The following MFHAS1 variants were observed in gnomAD, a reference collection of about 807,000 sequenced individuals.
MFHAS1 encodes malignant fibrous histiocytoma-amplified sequence 1.
Under a neutral mutation model 70.4 loss-of-function variants are expected in MFHAS1, and 50 were observed. That is an observed-to-expected ratio of 0.71 (90% CI 0.57 to 0.90). MFHAS1 has a LOEUF of 0.90. Ranked by LOEUF, MFHAS1 falls within the 40% of genes least tolerant of loss-of-function variation. The pLI is 0.00. For synonymous variants in MFHAS1, 952 were observed against 620.0 expected (o/e 1.54, Z -7.96); for missense variants, 1,795 against 1,347.6 (o/e 1.33, Z -5.20).
intron 1 of MFHAS1, among the ~76,000 whole-genome samples, chr8:8,843,371 G>A (rs886123364): frequency 1.3e-5 from 2 of 152,030 alleles, no homozygotes; most frequent in Non-Finnish European, 2.9e-5. Context: ...ATCACTTGAG[G>A]CCAGGAGTTC....
chr8:8,797,304 A>T (rs1805938546), intron 2 of MFHAS1, 61 bp downstream of exon 2: 10 of 1,583,828 alleles, frequency 6.3e-6, no homozygotes, highest in Non-Finnish European at 7.8e-6. Context: ...TTTTGTGGTC[A>T]TATCTATGGA....
At chr8:8,802,257 TG>T (rs1203059713) in intron 1 of MFHAS1, among the ~76,000 whole-genome samples, 2 of 152,196 alleles carry the variant, frequency 1.3e-5, no homozygotes, top group African/African-American at 4.8e-5. Flanking sequence ...AAGAAGTGGC[TG>T]TGCTGAACTC....
intron 1 of MFHAS1, among the ~76,000 whole-genome samples, chr8:8,808,025 T>C (rs1806395378): frequency 6.6e-6 from 1 of 152,236 alleles, no homozygotes; most frequent in African/African-American, 2.4e-5. Flanking sequence ...GTTTTAAATC[T>C]AGCACCATTC....
Position 8,824,370 on chromosome 8 carries a change from A to G in MFHAS1, c.2999-26879T>C, listed in dbSNP as rs984440664. On this transcript the variant is annotated intron_variant, in intron 1 of 2. Transcript: ENST00000276282. ...CCGGAGTCCTTACCCACTCCAGCACAGGAAAACCAGCCCTCATTTAGCCTC... is the reference window on the plus strand; with the variant it reads ...CCGGAGTCCTTACCCACTCCAGCACGGGAAAACCAGCCCTCATTTAGCCTC... Among the ~76,000 whole-genome samples, 23 of 152,236 alleles carry G rather than the reference A, an allele frequency of 1.5e-4. 2 individuals carry two copies. Among genetic ancestry groups the G allele is most frequent in the East Asian group, 9.7e-4 (5 of 5,158 alleles).
rs940163799 is a variant in MFHAS1 at position 8,843,575 on chromosome 8, C to A, written c.2999-46084G>T. Among the ~76,000 whole-genome samples the A allele has an allele frequency of 2.0e-5, 3 of 152,048 alleles. No homozygotes were observed. The South Asian group carries it at 6.2e-4, about 32-fold the overall frequency. ...CAGCCTGGGCTAAAGAGTGGGACTC[C>A]GTTTCAAAAATAAATAAACACATAA... On this transcript the variant is annotated intron_variant, in intron 1 of 2. Coordinates refer to ENST00000276282, the MANE Select transcript of MFHAS1 (RefSeq NM_004225.3).
rs995577351 is a variant in MFHAS1 at position 8,892,363 on chromosome 8, G to A, written c.696C>T (p.Leu232=). 6.2e-7 allele frequency: 1 copy of A among 1,612,358 alleles called. No individual in the cohort carries two copies. The highest frequency in any genetic ancestry group is 8.5e-7 in the Non-Finnish European group (1 of 1,179,956). The change falls in exon 1 of 3, where the codon CTC becomes CTT. Residue 232 remains leucine, a synonymous_variant. Coordinates refer to ENST00000276282, the MANE Select transcript of MFHAS1 (RefSeq NM_004225.3). This position sits in a 1 kb window ranked among gnomAD's most constrained non-coding sequence, Gnocchi z 4.7. The stretch of plus-strand genomic sequence containing the variant: ...TGCCAAGCTCGGCCCCACTCAGCCA[G>A]AGGATCTTGAGGGCACGCAGGGCAC... ...DISALRALKI[L]WLSGAELGTL...
chr8:8,827,443 G>T (rs1533059), intron 1 of MFHAS1, among the ~76,000 whole-genome samples: 1 of 151,982 alleles, frequency 6.6e-6, no homozygotes, highest in Middle Eastern at 3.2e-3. Context: ...ATCAGACTTA[G>T]CCACATCCAA....
chr8:8,817,638 C>T (rs1292438003), intron 1 of MFHAS1, among the ~76,000 whole-genome samples: 1 of 152,216 alleles, frequency 6.6e-6, no homozygotes, highest in Non-Finnish European at 1.5e-5. Context: ...GGCTCTAACC[C>T]AGCAGTCCCC....
At chr8:8,868,616 G>A (rs896782263) in intron 1 of MFHAS1, among the ~76,000 whole-genome samples, 1 of 152,016 alleles carries the variant, frequency 6.6e-6, no homozygotes, top group Non-Finnish European at 1.5e-5. Flanking sequence ...TCTTATGGAA[G>A]ATGAGGCCGC....
chr8:8,880,537 A>T (rs935645780), intron 1 of MFHAS1, among the ~76,000 whole-genome samples: 1 of 152,192 alleles, frequency 6.6e-6, no homozygotes, highest in African/African-American at 2.4e-5. Context: ...ACCTCCAGAG[A>T]GTAGTCTTAA....
intron 1 of MFHAS1, among the ~76,000 whole-genome samples, chr8:8,851,881 T>C (rs957123409): frequency 6.6e-6 from 1 of 152,224 alleles, no homozygotes; most frequent in Non-Finnish European, 1.5e-5. Flanking sequence ...GCGATCACAG[T>C]GTTCTCCATT....
chr8:8,808,860 T>C (rs1806438079), intron 1 of MFHAS1, among the ~76,000 whole-genome samples: 1 of 152,150 alleles, frequency 6.6e-6, no homozygotes, highest in Non-Finnish European at 1.5e-5. Context: ...GGAATGACTC[T>C]ATAGCAAGGG....
chr8:8,814,485 G>C (rs1260537711), intron 1 of MFHAS1, among the ~76,000 whole-genome samples: 2 of 152,150 alleles, frequency 1.3e-5, no homozygotes, highest in African/African-American at 4.8e-5. Context: ...GCGTTTCTCA[G>C]AACATATGCA....
chr8:8,836,255 A>G (rs1807589512), intron 1 of MFHAS1, among the ~76,000 whole-genome samples: 1 of 152,196 alleles, frequency 6.6e-6, no homozygotes, highest in Non-Finnish European at 1.5e-5. Context: ...CTGACAAAAT[A>G]ATAGTTTGAG....
At chr8:8,876,044 T>C (rs1445141920) in intron 1 of MFHAS1, among the ~76,000 whole-genome samples, 2 of 152,206 alleles carry the variant, frequency 1.3e-5, no homozygotes, top group Non-Finnish European at 2.9e-5. Context: ...TTGTACCTTC[T>C]GGAATGGTGG....
rs556199610 is a variant in MFHAS1, at chr8:8,787,227, C to T, written c.3126-1172G>A. Among the ~76,000 whole-genome samples the T allele has an allele frequency of 2.6e-5, 4 of 152,164 alleles. No individual in the cohort carries two copies. In the East Asian group the frequency reaches 7.7e-4, roughly 29 times the overall value. On this transcript the variant is annotated intron_variant, in intron 2 of 2. Transcript: ENST00000276282. Reference sequence around the variant, plus strand: ...TCCCGAGTAGCTAGGACTACATGTGCCCGCCACCACACGCGGCTAATTTTT... The same window carrying T: ...TCCCGAGTAGCTAGGACTACATGTGTCCGCCACCACACGCGGCTAATTTTT...
intron 1 of MFHAS1, among the ~76,000 whole-genome samples, chr8:8,851,987 G>C (rs1222806463): frequency 1.3e-5 from 2 of 152,120 alleles, no homozygotes; most frequent in Non-Finnish European, 2.9e-5. Context: ...AGGACAGAGC[G>C]CTCCCTCAGG....
intron 1 of MFHAS1, among the ~76,000 whole-genome samples, chr8:8,875,059 A>G (rs1317311455): frequency 6.6e-6 from 1 of 152,210 alleles, no homozygotes; most frequent in African/African-American, 2.4e-5. Context: ...TGTTTCCATT[A>G]AACGGTAGTG....
At chr8:8,795,719 A>G (rs543667640) in intron 2 of MFHAS1, among the ~76,000 whole-genome samples, 12 of 152,218 alleles carry the variant, frequency 7.9e-5, no homozygotes, top group Admixed American at 2.0e-4. Context: ...GGAGCACACC[A>G]AAGGCAGGGA....
Sources: allele counts gnomAD v4.1 joint callset (sites outside exome capture counted in the v4.1 genomes callset), GRCh38; gene constraint gnomAD v4.1.1; non-coding constraint Gnocchi (gnomAD v3.1); transcripts MANE v1.5; gene names NCBI Gene and HGNC (gene_info 2026-07-23, HGNC 2026-07-21).